Variants in DYNC2LI1 observed in about 807,000 individuals in gnomAD.
DYNC2LI1 encodes the protein cytoplasmic dynein 2 light intermediate chain 1.
Under a neutral mutation model 51.9 loss-of-function variants are expected in DYNC2LI1, and 45 were observed. That is an observed-to-expected ratio of 0.87 (90% CI 0.68 to 1.11). The LOEUF is 1.11. Among genes scored for constraint, DYNC2LI1 ranks in the 50% most tolerant of loss-of-function variants. The pLI, the probability that DYNC2LI1 is intolerant of heterozygous loss-of-function variation, is 0.00. For synonymous variants in DYNC2LI1, 130 were observed against 137.8 expected (o/e 0.94, Z 0.40); for missense variants, 490 against 417.4 (o/e 1.17, Z -1.51).
intron 7 of DYNC2LI1, 35 bp from the exon 8 acceptor site, chr2:43,796,683 T>G: frequency 6.9e-7 from 1 of 1,459,854 alleles, no homozygotes; most frequent in Non-Finnish European, 9.6e-7. Flanking sequence ...AGATATTTGG[T>G]TATCTTGACT....
chr2:43,787,083 AAAGTTTTC>A, intron 3 of DYNC2LI1, 90 bp from the exon 4 acceptor site: 1 of 926,886 alleles, frequency 1.1e-6, no homozygotes, highest in Non-Finnish European at 1.7e-6. Flanking sequence ...CTCTACTAAT[AAAGTTTTC>A]AAGAGGAAGG....
At chr2:43,824,910 A>C in the DYNC2LI1 span, 1 of 1,614,088 alleles carries the variant, frequency 6.2e-7, no homozygotes, top group Non-Finnish European at 8.5e-7. Flanking sequence ...AAAGGGTTTG[A>C]ATGTTCAGGA....
At chr2:43,774,238 G>A (rs1430635181) in intron 1 of DYNC2LI1, 92 bp downstream of exon 1, 4 of 1,556,166 alleles carry the variant, frequency 2.6e-6, no homozygotes, top group East Asian at 2.4e-5. Flanking sequence ...GGAAGATTGT[G>A]GGGGTGGCTA....
chr2:43,774,232 G>A (rs1388686931), intron 1 of DYNC2LI1, 86 bp downstream of exon 1: 2 of 1,570,938 alleles, frequency 1.3e-6, no homozygotes, highest in African/African-American at 1.4e-5. Flanking sequence ...GCTGTTGGAA[G>A]ATTGTGGGGG....
At chr2:43,789,516 C>T (rs1219149555) in intron 4 of DYNC2LI1, 117 bp from the exon 5 acceptor site, 4 of 814,282 alleles carry the variant, frequency 4.9e-6, no homozygotes, top group Middle Eastern at 7.0e-4. Context: ...ATTTTGACTG[C>T]CAAGAAAGGG....
At chr2:43,807,154 T>C (rs1017622626) in intron 12 of DYNC2LI1, among the ~76,000 whole-genome samples, 1 of 152,164 alleles carries the variant, frequency 6.6e-6, no homozygotes, top group Non-Finnish European at 1.5e-5. Context: ...TCATGAGTAG[T>C]TGTGAGACCT....
At chr2:43,813,388 C>T (rs529740762), downstream of DYNC2LI1, 2 of 996,644 alleles carry the variant, frequency 2.0e-6, no homozygotes, top group Non-Finnish European at 3.1e-6. Context: ...CAAGCGCTTG[C>T]TAAGTACCCT....
intron 12 of DYNC2LI1, among the ~76,000 whole-genome samples, chr2:43,805,798 C>T (rs1666230477): frequency 6.6e-6 from 1 of 152,130 alleles, no homozygotes; most frequent in South Asian, 2.1e-4. Context: ...TAGATAGCCC[C>T]ATTTGAACAC....
chr2:43,820,236 A>T, the DYNC2LI1 span: 1 of 1,024,812 alleles, frequency 9.8e-7, no homozygotes, highest in East Asian at 2.6e-5. Flanking sequence ...CTCCCCTTTG[A>T]AAGGCCGTTT....
the DYNC2LI1 span, among the ~76,000 whole-genome samples, chr2:43,821,397 A>G: frequency 6.6e-6 from 1 of 152,174 alleles, no homozygotes; most frequent in Non-Finnish European, 1.5e-5. Flanking sequence ...GGCTCCAGCT[A>G]CCTAATCTGC....
chr2:43,783,688 A>T (rs1322730001), intron 3 of DYNC2LI1, 134 bp downstream of exon 3: 1 of 561,240 alleles, frequency 1.8e-6, no homozygotes, highest in Admixed American at 3.7e-5. Flanking sequence ...GCAAATCCTT[A>T]GTATAACCTT....
At chr2:43,776,196 TTAG>T (rs528501797) in intron 1 of DYNC2LI1, among the ~76,000 whole-genome samples, 19 of 151,950 alleles carry the variant, frequency 1.3e-4, no homozygotes, top group African/African-American at 2.4e-4. Flanking sequence ...TGCTAATTTA[TTAG>T]TAGTAGTAGT....
In DYNC2LI1 at chr2:43,801,535, C is replaced by T. The variant is rs1288204750; in HGVS notation, c.732-104C>T. 2.5e-5 allele frequency: 19 copies of T among 758,112 alleles called. No individual in the cohort carries two copies. In the East Asian group the frequency reaches 4.5e-4, roughly 18 times the overall value. The allele number at this position is 758,112 out of a possible 1,614,324, so 47.0% of individuals were successfully genotyped here. ...TTCGGGGCAATGCTCTCATTAGTGG[C>T]TAAATGTAAAACTAGCCGATAATAT... is the stretch of plus-strand genomic sequence containing the variant. On this transcript the variant is annotated intron_variant, in intron 9 of 12. Coordinates refer to ENST00000260605, the MANE Select transcript of DYNC2LI1 (RefSeq NM_016008.4).
chr2:43,789,126 A>T (rs1019840476), intron 4 of DYNC2LI1, among the ~76,000 whole-genome samples: 4 of 152,326 alleles, frequency 2.6e-5, no homozygotes, highest in Middle Eastern at 3.4e-3. Flanking sequence ...CTTTTGCTCA[A>T]GTAATCTTGA....
the DYNC2LI1 span, chr2:43,819,768 A>AT: frequency 1.2e-6 from 1 of 860,284 alleles, no homozygotes; most frequent in Non-Finnish European, 1.9e-6. Flanking sequence ...TAAGGCAATG[A>AT]TTAACGAGCA....
downstream of DYNC2LI1, among the ~76,000 whole-genome samples, chr2:43,813,708 C>CCTTTTTTTTTTTTTTTTTTT (rs1558715512): frequency 2.8e-5 from 1 of 35,374 alleles, no homozygotes; most frequent in Non-Finnish European, 5.7e-5. Context: ...TTTTTTTTTT[C>CCTTTTTTTTTTTTTTTTTTT]GTTTTTTTTT....
At chr2:43,782,785 C>T (rs1299176421) in intron 2 of DYNC2LI1, among the ~76,000 whole-genome samples, 1 of 152,008 alleles carries the variant, frequency 6.6e-6, no homozygotes, top group African/African-American at 2.4e-5. Flanking sequence ...AGTTCAAGAC[C>T]AGCCTAGCCA....
the DYNC2LI1 span, chr2:43,828,141 G>A: frequency 1.2e-6 from 2 of 1,613,662 alleles, no homozygotes; most frequent in Non-Finnish European, 1.7e-6. Flanking sequence ...ATTACAGGAA[G>A]GCTGGGAGTC....
At chr2:43,819,910 C>G in the DYNC2LI1 span, 2 of 1,614,074 alleles carry the variant, frequency 1.2e-6, no homozygotes, top group Non-Finnish European at 1.7e-6. Context: ...ATTATGATAT[C>G]TTACCTGAGG....
Sources: gnomAD v4.1 joint callset for allele counts (sites outside exome capture counted in the v4.1 genomes callset) on GRCh38, gnomAD v4.1.1 for gene constraint, MANE v1.5 for transcripts, NCBI Gene and HGNC (gene_info 2026-07-23, HGNC 2026-07-21) for gene names.